The following CFAP43 variants were observed in gnomAD, a reference collection of about 807,000 sequenced individuals.
The protein encoded by CFAP43 is cilia- and flagella-associated protein 43.
A neutral mutation model predicts 218.9 loss-of-function variants in CFAP43; 155 were observed. The ratio of observed to expected loss-of-function variants is 0.71; its 90% CI spans 0.62 to 0.81. The LOEUF (loss-of-function observed/expected upper bound fraction) is 0.81. CFAP43 is among the 30% of genes least tolerant of loss of function. The pLI is 0.00. For synonymous variants in CFAP43, 645 were observed against 681.3 expected, an observed-to-expected ratio of 0.95 and a Z score of 0.83; for missense variants, 1,778 against 1,954.3, an observed-to-expected ratio of 0.91 and a Z score of 1.70.
intron 16 of CFAP43, 149 bp from the exon 17 acceptor site, chr10:104,182,662 G>T: frequency 2.8e-6 from 2 of 705,698 alleles, no homozygotes; most frequent in Non-Finnish European, 2.0e-6. Flanking sequence ...AGTGCCTTGT[G>T]GAAACTTCTT....
chr10:104,134,633 T>C (rs910976444), intron 34 of CFAP43, among the ~76,000 whole-genome samples: 2 of 152,140 alleles, frequency 1.3e-5, no homozygotes. Context: ...GTAACTTAGA[T>C]GAAATAGAAA....
In CFAP43 at chr10:104,164,115, C is replaced by T. The variant is rs930862295; in HGVS notation, c.3225G>A (p.Thr1075=). 1.4e-5 allele frequency: 23 copies of T among 1,614,032 alleles called. No individual in the cohort carries two copies. The highest frequency in any genetic ancestry group is 1.0e-4 in the Admixed American group (6 of 60,014). Reference sequence around the variant, plus strand: ...GTACCTCCTCATCTTGCACAACAAGCGTTCTCTCTGGCTTCTCACAGTCTT... The same window carrying T: ...GTACCTCCTCATCTTGCACAACAAGTGTTCTCTCTGGCTTCTCACAGTCTT... The part of the protein sequence containing the change: ...EFEDCEKPER[T]LVVQDEEITA... Residue 1075 remains threonine, a synonymous_variant, in exon 24 of 38, where the codon ACG becomes ACA. Transcript: ENST00000357060.
At chr10:104,185,589 T>A (rs1181684355) in intron 15 of CFAP43, among the ~76,000 whole-genome samples, 1 of 152,120 alleles carries the variant, frequency 6.6e-6, no homozygotes, top group Non-Finnish European at 1.5e-5. Flanking sequence ...GAAGATAACA[T>A]GCTCTGAAGG....
Position 104,131,442 on chromosome 10 carries a change from T to A in CFAP43, c.4720A>T (p.Lys1574Ter). 6.2e-7 allele frequency: 1 copy of A among 1,613,454 alleles called. No individual in the cohort carries two copies. Among genetic ancestry groups the A allele is most frequent in the Non-Finnish European group, 8.5e-7 (1 of 1,179,826 alleles). Reference protein sequence around the residue: ...NVENCKKLLKKLGKFSNQKDI... With the variant: ...NVENCKKLLK ...TTTTGATTGCTGAACTTTCCAAGTT[T>A]TTTGAGTAGTTTCTTGCAGTTTTCC... The change falls in exon 37 of 38, where the codon AAA (lysine) becomes TAA (stop). Residue 1574 changes from lysine to a stop codon, truncating the protein, a stop_gained. Coordinates refer to ENST00000357060, the MANE Select transcript of CFAP43 (RefSeq NM_025145.7). LOFTEE classifies it high-confidence loss of function.
At chr10:104,146,869 T>C (rs1200269136) in intron 29 of CFAP43, among the ~76,000 whole-genome samples, 1 of 152,142 alleles carries the variant, frequency 6.6e-6, no homozygotes, top group Non-Finnish European at 1.5e-5. Flanking sequence ...GAAAGCCAAA[T>C]ATGTTCCCTA....
intron 10 of CFAP43, among the ~76,000 whole-genome samples, chr10:104,194,682 T>C (rs888003831): frequency 1.3e-5 from 2 of 152,240 alleles, no homozygotes; most frequent in African/African-American, 4.8e-5. Flanking sequence ...CAGAATATGA[T>C]GTCTAAGAGA....
chr10:104,169,581 C>T (rs2089321907), intron 20 of CFAP43, among the ~76,000 whole-genome samples: 1 of 151,840 alleles, frequency 6.6e-6, no homozygotes, highest in Non-Finnish European at 1.5e-5. Context: ...ATCTAACAAT[C>T]TTTAGTCCTT....
chr10:104,146,311 G>T lies in CFAP43; in HGVS notation c.3807C>A (p.Asp1269Glu). Residue 1269 changes from aspartate (D) to glutamate (E), a missense_variant, in exon 30 of 38, where the codon GAC becomes GAA. By Grantham distance (45) the Asp-to-Glu change is conservative. Transcript: ENST00000357060. ...CATAGTGCTCCTTGCACACATCCAG[G>T]TCTTCTCTAGATTTCCGAACAGCTT... ...TSEAVRKSRE[D>E]LDVCKEHYDN... 6.2e-7 allele frequency: 1 copy of T among 1,613,708 alleles called. No individual in the cohort carries two copies. Among genetic ancestry groups the T allele is most frequent in the Non-Finnish European group, 8.5e-7 (1 of 1,179,720 alleles).
At chr10:104,205,259 A>G (rs1026547849) in intron 7 of CFAP43, among the ~76,000 whole-genome samples, 4 of 151,378 alleles carry the variant, frequency 2.6e-5, no homozygotes, top group Non-Finnish European at 5.9e-5. Flanking sequence ...AAAGAAAAAT[A>G]TGGTCTGACC....
rs964057853 is a variant in CFAP43 at position 104,142,341 on chromosome 10, C to G, written c.4211G>C (p.Arg1404Thr). 6.2e-7 allele frequency: 1 copy of G among 1,613,620 alleles called. No homozygotes were observed. The highest frequency in any genetic ancestry group is 8.5e-7 in the Non-Finnish European group (1 of 1,179,784). Residue 1404 changes from arginine (R) to threonine (T), a missense_variant, in exon 33 of 38, where the codon AGA becomes ACA. This residue lies in a region of CFAP43 where 1,553 missense variants were observed against 1,685.2 expected (regional missense o/e 0.92). Coordinates refer to ENST00000357060, the MANE Select transcript of CFAP43 (RefSeq NM_025145.7). ...LLEMATFLQK[R>T]VEEEEKVQQE... ...TTGCACCTTCTCTTCCTCCTCAACT[C>G]TCTTCTGGAGGAAAGTTGCCATTTC...
chr10:104,213,750 T>G (rs1011866754), intron 4 of CFAP43, among the ~76,000 whole-genome samples: 17 of 152,138 alleles, frequency 1.1e-4, no homozygotes, highest in African/African-American at 4.1e-4. Context: ...TTAGCCAGGA[T>G]GGTCTCGATC....
chr10:104,196,747 G>C (rs1281672609), intron 10 of CFAP43, 106 bp downstream of exon 10: 17 of 919,334 alleles, frequency 1.8e-5, no homozygotes, highest in African/African-American at 3.4e-5. Context: ...ATGCAGTGAG[G>C]CTTCGGTAAC....
At chr10:104,229,552 T>C (rs1177326365) in intron 2 of CFAP43, among the ~76,000 whole-genome samples, 1 of 149,442 alleles carries the variant, frequency 6.7e-6, no homozygotes, top group African/African-American at 2.5e-5. Context: ...TAATCCCAGC[T>C]ACCTGGGAGG....
chr10:104,136,741 G>A (rs2087471189), intron 34 of CFAP43, among the ~76,000 whole-genome samples: 2 of 152,104 alleles, frequency 1.3e-5, no homozygotes, highest in African/African-American at 4.8e-5. Context: ...TTATATAAGG[G>A]TTTAATGTCC....
At chr10:104,130,975 G>T (rs2087154570) in intron 37 of CFAP43, among the ~76,000 whole-genome samples, 1 of 146,016 alleles carries the variant, frequency 6.8e-6, no homozygotes, top group Admixed American at 6.9e-5. Context: ...CTGCAGCTTG[G>T]GCAACAGAGG....
chr10:104,166,445 G>C, intron 23 of CFAP43, 43 bp downstream of exon 23: 1 of 1,443,134 alleles, frequency 6.9e-7, no homozygotes, highest in South Asian at 1.2e-5. Context: ...CCACCTAATG[G>C]GGAGTCTAGA....
intron 6 of CFAP43, among the ~76,000 whole-genome samples, chr10:104,207,035 G>A (rs1027609405): frequency 6.6e-6 from 1 of 152,032 alleles, no homozygotes; most frequent in Non-Finnish European, 1.5e-5. Flanking sequence ...TTAGCCAGGC[G>A]TGGTAGTGTG....
At chr10:104,168,437 C>A (rs1274040702) in intron 21 of CFAP43, among the ~76,000 whole-genome samples, 2 of 152,156 alleles carry the variant, frequency 1.3e-5, no homozygotes, top group Admixed American at 1.3e-4. Flanking sequence ...ACCTTTCAAT[C>A]TGTGTGAAAT....
rs781504526 is a variant in CFAP43, at chr10:104,132,231, TTCTC to T, written c.4597-39_4597-36del. The T allele has an allele frequency of 9.0e-6, 13 of 1,442,286 alleles. No homozygotes were observed. The South Asian group carries it at 1.4e-4, about 15-fold the overall frequency. 89.3% of individuals were successfully genotyped at this position (1,442,286 alleles called of 1,614,324 possible). Reference sequence around the variant, plus strand: ...TAAAAAAAAACATGTAAGGATATTTTTCTCTCTTTCAATAGATGACTTTATAAAG... The same window carrying T: ...TAAAAAAAAACATGTAAGGATATTTTTCTTTCAATAGATGACTTTATAAAG... On this transcript the variant is annotated intron_variant, in intron 35 of 37. Transcript: ENST00000357060.
Sources: allele counts gnomAD v4.1 joint callset (sites outside exome capture counted in the v4.1 genomes callset), GRCh38; gene constraint gnomAD v4.1.1; regional missense constraint gnomAD v4.1.1; transcripts MANE v1.5; gene names NCBI Gene and HGNC (gene_info 2026-07-23, HGNC 2026-07-21).